CENPF: variants seen among roughly 807,000 people sequenced by gnomAD.
CENPF encodes centromere protein F, also known as AH antigen.
CENPF carries 214 observed loss-of-function variants against 307.3 expected under a neutral mutation model. That is an observed-to-expected ratio of 0.70 (90% CI 0.62 to 0.78). The LOEUF (loss-of-function observed/expected upper bound fraction) is 0.78, where lower values mean the gene tolerates loss of function less well. Among genes scored for constraint, CENPF ranks in the 30% least tolerant of loss-of-function variants. The pLI, the probability that CENPF is intolerant of heterozygous loss-of-function variation, is 0.00. For synonymous variants in CENPF, 1,259 were observed against 1,270.6 expected, an observed-to-expected ratio of 0.99 and a Z score of 0.19; for missense variants, 3,401 against 3,483.9, an observed-to-expected ratio of 0.98 and a Z score of 0.60.
At chr1:214,613,588 CT>C in intron 1 of CENPF, 125 bp from the exon 2 acceptor site, 1 of 625,314 alleles carries the variant, frequency 1.6e-6, no homozygotes. Flanking sequence ...AGGTATTATA[CT>C]TTGTTATCTT....
rs1305169193 is a variant in CENPF at position 214,642,513 on chromosome 1, A to T, written c.4175A>T (p.His1392Leu). Residue 1392 changes from histidine (H) to leucine (L), a missense_variant, in exon 12 of 20, where the codon CAC becomes CTC. His to Leu is a moderately conservative substitution (Grantham distance 99). Coordinates refer to ENST00000366955, the MANE Select transcript of CENPF (RefSeq NM_016343.4). The part of the protein sequence containing the change: ...APLDESNSYE[H>L]LTLSDKEVQM... ...TTGGACGAGAGTAATTCCTACGAGC[A>T]CTTGACATTGTCAGACAAAGAAGTT... The T allele has an allele frequency of 6.2e-7, 1 of 1,612,208 alleles. No individual in the cohort carries two copies. The highest frequency in any genetic ancestry group is 8.5e-7 in the Non-Finnish European group (1 of 1,179,140).
chr1:214,635,859 A>G lies in CENPF; in HGVS notation c.1447-2007A>G, dbSNP rs150690536. On this transcript the variant is annotated intron_variant, in intron 10 of 19. Transcript: ENST00000366955. ...CAAACACATAAACATAAAATTCCCC[A>G]TCTTTCCCTGGTGCCCTCTCTCTCT... 1.9e-3 allele frequency among the ~76,000 whole-genome samples: 288 copies of G among 152,174 alleles called. 1 individual carries two copies. The highest frequency in any genetic ancestry group is 3.1e-3 in the Non-Finnish European group (209 of 67,986).
chr1:214,655,714 C>G (rs1658613474), intron 17 of CENPF, among the ~76,000 whole-genome samples: 1 of 152,094 alleles, frequency 6.6e-6, no homozygotes, highest in Non-Finnish European at 1.5e-5. Flanking sequence ...CCTCAGCCTC[C>G]CGAGTAGCTG....
chr1:214,625,481 A>G (rs1052931263), intron 7 of CENPF, among the ~76,000 whole-genome samples: 1 of 152,174 alleles, frequency 6.6e-6, no homozygotes, highest in Non-Finnish European at 1.5e-5. Context: ...TCAGCCTTCC[A>G]AAGTGTTGGG....
chr1:214,643,596 ATTATG>A (rs1189216110), intron 12 of CENPF, among the ~76,000 whole-genome samples: 2 of 152,224 alleles, frequency 1.3e-5, no homozygotes, highest in African/African-American at 4.8e-5. Context: ...AGAAAATTAT[ATTATG>A]GAGTCAGAAA....
At chr1:214,621,535 A>G (rs1041994724) in intron 6 of CENPF, among the ~76,000 whole-genome samples, 8 of 152,204 alleles carry the variant, frequency 5.3e-5, no homozygotes, top group East Asian at 1.9e-4. Flanking sequence ...CACCTAGCCA[A>G]TGCCATTGGA....
chr1:214,608,381 A>C, intron 1 of CENPF: 1 of 1,613,264 alleles, frequency 6.2e-7, no homozygotes, highest in Non-Finnish European at 8.5e-7. Context: ...GGCCTACCCG[A>C]GCTGGCACCG....
chr1:214,658,149 A>G (rs868587390), intron 18 of CENPF, among the ~76,000 whole-genome samples: 2 of 151,448 alleles, frequency 1.3e-5, no homozygotes, highest in African/African-American at 2.4e-5. Context: ...ATAGTTATCT[A>G]TCTCTCACTG....
chr1:214,640,871 A>T lies in CENPF; in HGVS notation c.2533A>T (p.Met845Leu), dbSNP rs1658091994. ...LEFSLESQKQ[M>L]NSDLQKQCEE... ...ATTTTCATTAGAGTCTCAAAAACAGATGAACTCAGACCTGCAAAAGCAGTG... is the reference window on the plus strand; with the variant it reads ...ATTTTCATTAGAGTCTCAAAAACAGTTGAACTCAGACCTGCAAAAGCAGTG... Residue 845 changes from methionine (M) to leucine (L), a missense_variant, in exon 12 of 20, where the codon ATG becomes TTG. Transcript: ENST00000366955. The T allele has an allele frequency of 6.3e-7, 1 of 1,599,230 alleles. No individual in the cohort carries two copies. Among genetic ancestry groups the T allele is most frequent in the African/African-American group, 1.4e-5 (1 of 73,834 alleles).
chr1:214,635,196 A>T (rs926929478), intron 10 of CENPF, among the ~76,000 whole-genome samples: 1 of 152,224 alleles, frequency 6.6e-6, no homozygotes, highest in Non-Finnish European at 1.5e-5. Flanking sequence ...TGAGGAGGAA[A>T]GGGAAAAACA....
In CENPF at chr1:214,647,108, G is replaced by A. The variant is rs1332280347; in HGVS notation, c.7538G>A (p.Gly2513Asp). Residue 2513 changes from glycine to aspartate, a missense_variant, in exon 13 of 20, where the codon GGC becomes GAC. Transcript: ENST00000366955. ...VNGLIQEVED[G>D]KQKLEKKDEE... ...GGCCTCATTCAAGAAGTAGAAGATG[G>A]CAAGCAGAAACTGGAGAAGAAGGAT... 1 of 1,614,026 alleles carries A rather than the reference G, an allele frequency of 6.2e-7. No individual in the cohort carries two copies. The highest frequency in any genetic ancestry group is 8.5e-7 in the Non-Finnish European group (1 of 1,179,966).
chr1:214,617,654 TTTAA>T (rs1314847703), intron 3 of CENPF, among the ~76,000 whole-genome samples: 1 of 152,232 alleles, frequency 6.6e-6, no homozygotes, highest in African/African-American at 2.4e-5. Context: ...ATTATATTGA[TTTAA>T]TTTTTATATC....
chr1:214,619,287 A>C (rs1352281574), intron 5 of CENPF, 67 bp downstream of exon 5: 1 of 806,468 alleles, frequency 1.2e-6, no homozygotes, highest in Non-Finnish European at 2.0e-6. Context: ...GAATAGAACA[A>C]GGTTAGAGAA....
chr1:214,656,420 G>A (rs1173333134), intron 17 of CENPF, among the ~76,000 whole-genome samples: 1 of 152,134 alleles, frequency 6.6e-6, no homozygotes, highest in Non-Finnish European at 1.5e-5. Context: ...CACCTTTATA[G>A]TGTTCCCCCA....
Position 214,642,229 on chromosome 1 carries a change from G to GAAC in CENPF, c.3894_3896dup (p.Asn1298dup), listed in dbSNP as rs542953570. The stretch of plus-strand genomic sequence containing the variant: ...TTCAGTGCTCTCTGCAAACAACAAT[G>GAAC]AACAAGCTGAATGAGCTAGAGAAAA... On this transcript the variant is annotated inframe_insertion, in exon 12 of 20. Coordinates refer to ENST00000366955, the MANE Select transcript of CENPF (RefSeq NM_016343.4). 2.7e-5 allele frequency: 43 copies of GAAC among 1,614,078 alleles called. No individual in the cohort carries two copies. The African/African-American group carries it at 5.6e-4, about 21-fold the overall frequency.
chr1:214,660,401 C>T (rs1176358733), intron 19 of CENPF, among the ~76,000 whole-genome samples: 1 of 152,170 alleles, frequency 6.6e-6, no homozygotes, highest in Non-Finnish European at 1.5e-5. Flanking sequence ...TGGCATGCTG[C>T]CAACAACAAA....
At chr1:214,663,084 AG>A (rs1429879895) in intron 19 of CENPF, among the ~76,000 whole-genome samples, 1 of 152,240 alleles carries the variant, frequency 6.6e-6, no homozygotes, top group Non-Finnish European at 1.5e-5. Context: ...ATTGTTAGAT[AG>A]CTGCCCTTCT....
intron 1 of CENPF, chr1:214,608,551 T>C: frequency 6.2e-7 from 1 of 1,611,202 alleles, no homozygotes; most frequent in South Asian, 1.1e-5. Context: ...GGAGACGCGG[T>C]TGCGGCGGGC....
chr1:214,652,424 T>A (rs1240588585), intron 15 of CENPF, among the ~76,000 whole-genome samples: 1 of 148,274 alleles, frequency 6.7e-6, no homozygotes, highest in Non-Finnish European at 1.5e-5. Flanking sequence ...AAGGCAGGGT[T>A]TTGTTTTTGT....
Sources: gnomAD v4.1 joint callset for allele counts (sites outside exome capture counted in the v4.1 genomes callset) on GRCh38, gnomAD v4.1.1 for gene constraint, MANE v1.5 for transcripts, NCBI Gene and HGNC (gene_info 2026-07-23, HGNC 2026-07-21) for gene names.